AASDH: variants seen among roughly 807,000 people sequenced by gnomAD.
AASDH encodes beta-alanine-activating enzyme.
Under a neutral mutation model 102.3 loss-of-function variants are expected in AASDH, and 81 were observed. The observed-to-expected ratio is 0.79, with a 90% CI of 0.66 to 0.95. The LOEUF is 0.95. Ranked by LOEUF, AASDH falls within the 40% of genes least tolerant of loss-of-function variation. The probability of loss-of-function intolerance (pLI) is 0.00; values close to 1 mark genes in which losing one functional copy is unlikely to be tolerated. For synonymous variants in AASDH, 398 were observed against 454.0 expected, an observed-to-expected ratio of 0.88 and a Z score of 1.57; for missense variants, 1,203 against 1,266.2, an observed-to-expected ratio of 0.95 and a Z score of 0.76.
rs539523010 is a variant in AASDH at position 56,356,844 on chromosome 4, C to T, written c.862-1421G>A. 204 of 848,878 alleles carry T rather than the reference C, an allele frequency of 2.4e-4. No individual in the cohort carries two copies. The African/African-American group carries it at 2.5e-3, about 10-fold the overall frequency. 52.6% of individuals were successfully genotyped at this position (848,878 alleles called of 1,614,324 possible). A position where few individuals can be genotyped will look rare whatever the true frequency, so the allele number is the denominator to read the frequency against. ...ACGATGAGATCCACCGTCACTGGGG[C>T]GGCAATGTCCTGGCTCCCAAGTCTG... On this transcript the variant is annotated intron_variant, in intron 5 of 14. Coordinates refer to ENST00000205214, the MANE Select transcript of AASDH (RefSeq NM_181806.4).
intron 6 of AASDH, 75 bp downstream of exon 6, chr4:56,355,107 C>G: frequency 6.7e-7 from 1 of 1,490,792 alleles, no homozygotes; most frequent in Non-Finnish European, 9.0e-7. Context: ...CAGCACCTAT[C>G]AAAAACACTG....
intron 1 of AASDH, among the ~76,000 whole-genome samples, chr4:56,385,546 TC>T (rs1456758756): frequency 6.6e-6 from 1 of 152,156 alleles, no homozygotes; most frequent in Non-Finnish European, 1.5e-5. Flanking sequence ...CTCTCTGAAC[TC>T]TGTTTTCCAT....
intron 5 of AASDH, among the ~76,000 whole-genome samples, chr4:56,366,541 C>G (rs79443165): frequency 0.45 from 67,817 of 151,974 alleles, 15,498 homozygotes; most frequent in Non-Finnish European, 0.49. Flanking sequence ...TGGGCTTCAT[C>G]CCTAGGATGC....
chr4:56,340,888 T>C (rs1323039326), intron 14 of AASDH, among the ~76,000 whole-genome samples: 1 of 151,888 alleles, frequency 6.6e-6, no homozygotes, highest in Non-Finnish European at 1.5e-5. Flanking sequence ...AAAGAAGACA[T>C]ACAAATGGCT....
At position 56,362,252 on chromosome 4, in the gene AASDH, G is replaced by A. The variant is rs556184655; in HGVS notation, c.862-6829C>T. Among the ~76,000 whole-genome samples, 15 of 151,842 alleles carry A rather than the reference G, an allele frequency of 9.9e-5. No homozygotes were observed. The South Asian group carries it at 1.9e-3, about 19-fold the overall frequency. ...AGCTTTAGTAGTATGTGTTTTGACAGCTTTTTTTTTCTTTGTTTGTTTGTT... is the reference window on the plus strand; with the variant it reads ...AGCTTTAGTAGTATGTGTTTTGACAACTTTTTTTTTCTTTGTTTGTTTGTT... On this transcript the variant is annotated intron_variant, in intron 5 of 14. Coordinates refer to ENST00000205214, the MANE Select transcript of AASDH (RefSeq NM_181806.4).
rs775384343 is a variant in AASDH, at chr4:56,338,358, T to C, written c.*44A>G. On this transcript the variant is annotated 3_prime_UTR_variant, in exon 15 of 15. Coordinates refer to ENST00000205214, the MANE Select transcript of AASDH (RefSeq NM_181806.4). ...ACATGATGTATAATGGTAAAATATT[T>C]TCAAATATCTCACATTTGTTATACA... is the stretch of plus-strand genomic sequence containing the variant. 2.7e-5 allele frequency: 43 copies of C among 1,572,494 alleles called. No individual in the cohort carries two copies. The Middle Eastern group carries it at 1.7e-3, about 63-fold the overall frequency.
chr4:56,381,510 G>A (rs1317049647), intron 3 of AASDH, among the ~76,000 whole-genome samples: 2 of 151,800 alleles, frequency 1.3e-5, no homozygotes, highest in African/African-American at 2.4e-5. Flanking sequence ...CCTGGGAGGC[G>A]GAGGTTGCAG....
At chr4:56,374,630 T>A (rs1195489921) in intron 4 of AASDH, among the ~76,000 whole-genome samples, 1 of 152,240 alleles carries the variant, frequency 6.6e-6, no homozygotes, top group Non-Finnish European at 1.5e-5. Flanking sequence ...AACAATTTAT[T>A]TGTTCTTCCT....
intron 5 of AASDH, among the ~76,000 whole-genome samples, chr4:56,370,187 AC>A (rs762323112): frequency 6.6e-6 from 1 of 151,564 alleles, no homozygotes; most frequent in Non-Finnish European, 1.5e-5. Context: ...ACATGGTGAA[AC>A]CCTGTCTCTA....
intron 6 of AASDH, 64 bp downstream of exon 6, chr4:56,355,118 T>C (rs992863140): frequency 2.7e-6 from 4 of 1,506,774 alleles, no homozygotes; most frequent in African/African-American, 1.4e-5. Context: ...AAAAACACTG[T>C]CAGTGTTAAG....
rs535864169 is a variant in AASDH, at chr4:56,370,729, T to A, written c.861+722A>T. ...TGGTATTTTGTTACAGCAGCCTGAA[T>A]GGACTCACACACACAATCAGGAACT... On this transcript the variant is annotated intron_variant, in intron 5 of 14. Coordinates refer to ENST00000205214, the MANE Select transcript of AASDH (RefSeq NM_181806.4). Among the ~76,000 whole-genome samples the A allele has an allele frequency of 3.3e-5, 5 of 152,260 alleles. No homozygotes were observed. In the South Asian group the frequency reaches 8.3e-4, roughly 25 times the overall value.
chr4:56,363,232 A>C lies in AASDH; in HGVS notation c.862-7809T>G, dbSNP rs1750541180. 5.3e-5 allele frequency among the ~76,000 whole-genome samples: 8 copies of C among 152,314 alleles called. No individual in the cohort carries two copies. In the South Asian group the frequency reaches 1.7e-3, roughly 32 times the overall value. The stretch of plus-strand genomic sequence containing the variant: ...GGTAAACAAAGCAGCCAGGAAGCTC[A>C]AACTGGGTGGAGCCCAGCACAGCTC... On this transcript the variant is annotated intron_variant, in intron 5 of 14. Transcript: ENST00000205214.
intron 2 of AASDH, among the ~76,000 whole-genome samples, chr4:56,383,180 AT>A (rs1230882973): frequency 6.6e-6 from 1 of 152,206 alleles, no homozygotes. Flanking sequence ...AAAGTTAAGC[AT>A]TTTAAGTAGT....
chr4:56,351,448 T>C lies in AASDH; in HGVS notation c.1586A>G (p.Asp529Gly), dbSNP rs1365333081. The change falls in exon 10 of 15, where the codon GAT becomes GGT. Residue 529 changes from aspartate to glycine, a missense_variant. By Grantham distance (94) the Asp-to-Gly change is moderately conservative (BLOSUM62 -1). Transcript: ENST00000205214. The part of the protein sequence containing the change: ...SLPFTSHGKI[D>G]VSELNKIYLN... ...ATATATCTTGTTTAACTCAGAAACA[T>C]CAATTTTGCCTTAATATAAAAGAGA... The C allele has an allele frequency of 6.5e-7, 1 of 1,541,902 alleles. No individual in the cohort carries two copies. The highest frequency in any genetic ancestry group is 1.8e-5 in the Admixed American group (1 of 54,264).
intron 11 of AASDH, chr4:56,348,948 T>C: frequency 2.8e-6 from 1 of 358,270 alleles, no homozygotes; most frequent in Non-Finnish European, 5.0e-6. Context: ...TCTAGGTTGT[T>C]GAGTTTTGGG....
chr4:56,348,289 T>C (rs1409347391), intron 11 of AASDH, among the ~76,000 whole-genome samples: 2 of 151,774 alleles, frequency 1.3e-5, no homozygotes, highest in Non-Finnish European at 2.9e-5. Flanking sequence ...AGTCCTGCTC[T>C]GCTTGCTCAG....
rs1217245707 is a variant in AASDH, at chr4:56,365,570, C to G, written c.861+5881G>C. 8.6e-4 allele frequency among the ~76,000 whole-genome samples: 131 copies of G among 152,026 alleles called. 11 individuals carry two copies. Among genetic ancestry groups the G allele is most frequent in the Non-Finnish European group, 7.4e-5 (5 of 68,016 alleles). ...AGAACTCAGGATTAAGAAACTCACT[C>G]AAAACCGCTCAACTACATGGAAACT... On this transcript the variant is annotated intron_variant, in intron 5 of 14. Transcript: ENST00000205214.
chr4:56,373,550 CT>C (rs1016788352), intron 4 of AASDH, among the ~76,000 whole-genome samples: 1 of 152,140 alleles, frequency 6.6e-6, no homozygotes, highest in African/African-American at 2.4e-5. Context: ...CAGAAAGAGA[CT>C]TTACTTCTGA....
chr4:56,366,424 G>C (rs1751017470), intron 5 of AASDH, among the ~76,000 whole-genome samples: 1 of 151,960 alleles, frequency 6.6e-6, no homozygotes, highest in South Asian at 2.1e-4. Flanking sequence ...CCAAAAAAGA[G>C]AATTTTAGAC....
Sources: allele counts gnomAD v4.1 joint callset (sites outside exome capture counted in the v4.1 genomes callset), GRCh38; gene constraint gnomAD v4.1.1; transcripts MANE v1.5; gene names NCBI Gene and HGNC (gene_info 2026-07-23, HGNC 2026-07-21).